The following RIC8A variants were observed in gnomAD, a reference collection of about 807,000 sequenced individuals.
RIC8A encodes the protein RIC8 guanine nucleotide exchange factor A, also known as chaperone Ric-8A.
In RIC8A, 37 loss-of-function variants were observed where a neutral mutation model predicts 48.4. That is an observed-to-expected ratio of 0.77 (90% CI 0.59 to 1.01). RIC8A has a LOEUF of 1.01. RIC8A is among the 50% of genes least tolerant of loss of function. The probability of loss-of-function intolerance (pLI) is 0.00; values close to 1 mark genes in which losing one functional copy is unlikely to be tolerated. For missense variants in RIC8A, 681 were observed against 696.8 expected (o/e 0.98, Z 0.25); for synonymous variants, 288 against 283.4 (o/e 1.02, Z -0.16).
chr11:210,774 G>A, intron 4 of RIC8A, 112 bp downstream of exon 4: 1 of 939,550 alleles, frequency 1.1e-6, no homozygotes, highest in Non-Finnish European at 1.7e-6. Flanking sequence ...ACCCTAGAGA[G>A]TCTGACGTTG....
chr11:212,935 G>C lies in RIC8A; in HGVS notation c.1309G>C (p.Glu437Gln), dbSNP rs1855400874. The C allele has an allele frequency of 2.5e-6, 4 of 1,594,102 alleles. No individual in the cohort carries two copies. The highest frequency in any genetic ancestry group is 1.3e-5 in the African/African-American group (1 of 74,398). Reference sequence around the variant, plus strand: ...AGGCCGGCCCGAGGGCCAGTACTCAGAGGATGAGGACACAGACACAGATGA... The same window carrying C: ...AGGCCGGCCCGAGGGCCAGTACTCACAGGATGAGGACACAGACACAGATGA... ...AGGRPEGQYS[E>Q]DEDTDTDEYK... Residue 437 changes from glutamate to glutamine, a missense_variant, in exon 8 of 10, where the codon GAG (glutamate) becomes CAG (glutamine). Glu to Gln is a conservative substitution (Grantham distance 29). Coordinates refer to ENST00000526104, the MANE Select transcript of RIC8A (RefSeq NM_001286134.2).
At chr11:212,377 G>C (rs1002136498) in intron 5 of RIC8A, 39 bp from the exon 6 acceptor site, 2 of 1,584,350 alleles carry the variant, frequency 1.3e-6, no homozygotes, top group African/African-American at 1.3e-5. Flanking sequence ...TCACAAGTTA[G>C]GCAGGGGCAT....
Position 209,729 on chromosome 11 carries a change from G to A in RIC8A, c.455G>A (p.Arg152His). The stretch of plus-strand genomic sequence containing the variant: ...CTCACAGAGCGTGTGGGGCTGTACC[G>A]TGAGAGGAGCTTCCCCCACGATGTC... ...VKLTERVGLY[R>H]ERSFPHDVQF... The change falls in exon 3 of 10, where the codon CGT becomes CAT. Residue 152 changes from arginine (R) to histidine (H), a missense_variant. Transcript: ENST00000526104. 6.2e-7 allele frequency: 1 copy of A among 1,614,024 alleles called. No homozygotes were observed. The highest frequency in any genetic ancestry group is 8.5e-7 in the Non-Finnish European group (1 of 1,180,014).
At position 214,663 on chromosome 11, in the gene RIC8A, G is replaced by A. The variant is rs865968506; in HGVS notation, c.*313G>A. Reference sequence around the variant, plus strand: ...CTGCCTGAGGGCAGGGCCTACCTGGGCACACAGAAGAGCATATGGGAGGGC... The same window carrying A: ...CTGCCTGAGGGCAGGGCCTACCTGGACACACAGAAGAGCATATGGGAGGGC... On this transcript the variant is annotated 3_prime_UTR_variant, in exon 10 of 10. Transcript: ENST00000526104. 2.8e-5 allele frequency: 12 copies of A among 421,152 alleles called. No individual in the cohort carries two copies. The Middle Eastern group carries it at 3.6e-3, about 128-fold the overall frequency. 26.1% of individuals were successfully genotyped at this position (421,152 alleles called of 1,614,324 possible).
At position 208,872 on chromosome 11, in the gene RIC8A, T is replaced by G. The variant is rs749034397; in HGVS notation, c.18T>G (p.Val6=). MEPRA[V]AEAVETGEED... is the part of the protein sequence containing the mutation. Reference sequence around the variant, plus strand: ...GGCGCGCCATGGAGCCCCGGGCGGTTGCAGAAGCCGTGGAGACGGGTGAGG... The same window carrying G: ...GGCGCGCCATGGAGCCCCGGGCGGTGGCAGAAGCCGTGGAGACGGGTGAGG... The change falls in exon 1 of 10, where the codon GTT becomes GTG. Residue 6 remains valine, a synonymous_variant. Transcript: ENST00000526104. This position sits in a 1 kb window ranked among gnomAD's most constrained non-coding sequence, Gnocchi z 4.8. 2 of 1,610,184 alleles carry G rather than the reference T, an allele frequency of 1.2e-6. No individual in the cohort carries two copies. Among genetic ancestry groups the G allele is most frequent in the South Asian group, 2.2e-5 (2 of 90,732 alleles).
chr11:213,102 A>C, intron 8 of RIC8A, 121 bp downstream of exon 8: 1 of 1,395,792 alleles, frequency 7.2e-7, no homozygotes, highest in Non-Finnish European at 9.6e-7. Context: ...TTCCAGAATC[A>C]AGCACCTGTT....
intron 9 of RIC8A, 59 bp from the exon 10 acceptor site, chr11:214,171 G>A: frequency 6.3e-7 from 1 of 1,578,462 alleles, no homozygotes; most frequent in South Asian, 1.2e-5. Context: ...CGGGTGAGTA[G>A]GACCCCTGCC....
chr11:209,219 G>A, intron 1 of RIC8A, 52 bp from the exon 2 acceptor site: 1 of 1,607,948 alleles, frequency 6.2e-7, no homozygotes, highest in Non-Finnish European at 8.5e-7. Context: ...CCGCATCAGC[G>A]GACGCGGATC....
rs750723363 is a variant in RIC8A at position 212,380 on chromosome 11, A to C, written c.970-36A>C. The C allele has an allele frequency of 2.5e-6, 4 of 1,587,030 alleles. No homozygotes were observed. The East Asian group carries it at 9.0e-5, about 36-fold the overall frequency. On this transcript the variant is annotated intron_variant, in intron 5 of 9. Coordinates refer to ENST00000526104, the MANE Select transcript of RIC8A (RefSeq NM_001286134.2). ...ACTCTGTGCCAGTCACAAGTTAGGCAGGGGCATAGCCCCAGTGACAGAGAA... is the reference window on the plus strand; with the variant it reads ...ACTCTGTGCCAGTCACAAGTTAGGCCGGGGCATAGCCCCAGTGACAGAGAA...
chr11:212,084 G>T (rs372243259), intron 5 of RIC8A: 31 of 319,420 alleles, frequency 9.7e-5, no homozygotes, highest in African/African-American at 5.5e-4. Flanking sequence ...ATGTGTGTGC[G>T]AGTCTAAAGC....
chr11:209,698 G>A lies in RIC8A; in HGVS notation c.424G>A (p.Val142Met). Residue 142 changes from valine (V) to methionine (M), a missense_variant, in exon 3 of 10, where the codon GTG (valine) becomes ATG (methionine). By Grantham distance (21) the Val-to-Met change is conservative. Transcript: ENST00000526104. ...QMLAAEARLV[V>M]KLTERVGLYR... ...GCTGGCAGCAGAGGCCCGCCTAGTG[G>A]TGAAGCTCACAGAGCGTGTGGGGCT... The A allele has an allele frequency of 1.2e-6, 2 of 1,614,000 alleles. No homozygotes were observed. The highest frequency in any genetic ancestry group is 1.7e-6 in the Non-Finnish European group (2 of 1,180,016).
chr11:211,840 C>T lies in RIC8A; in HGVS notation c.969+491C>T, dbSNP rs1308664532. 1 of 162,382 alleles carries T rather than the reference C, an allele frequency of 6.2e-6. No individual in the cohort carries two copies. The highest frequency in any genetic ancestry group is 5.8e-5 in the Admixed American group (1 of 17,102). 10.1% of individuals were successfully genotyped at this position (162,382 alleles called of 1,614,324 possible). On this transcript the variant is annotated intron_variant, in intron 5 of 9. Coordinates refer to ENST00000526104, the MANE Select transcript of RIC8A (RefSeq NM_001286134.2). This position sits in a 1 kb window ranked among gnomAD's most constrained non-coding sequence, Gnocchi z 4.0. ...AATAAACCGAGATTTAGTAGACCTC[C>T]TGGGAATCTACCTGCCTAAGCAAGG...
At position 213,031 on chromosome 11, in the gene RIC8A, C is replaced by A. The variant is rs200428378; in HGVS notation, c.1355+50C>A. The A allele has an allele frequency of 2.4e-4, 362 of 1,518,128 alleles. No individual in the cohort carries two copies. In the African/African-American group the frequency reaches 4.4e-3, roughly 19 times the overall value. The allele number at this position is 1,518,128 out of a possible 1,614,324, so 94.0% of individuals were successfully genotyped here. A position where few individuals can be genotyped will look rare whatever the true frequency, so the allele number is the denominator to read the frequency against. ...GGTCTCCACTCACAGCCCCATAGTC[C>A]CTGCTTCCACACCCATGTGGACCCC... On this transcript the variant is annotated intron_variant, in intron 8 of 9. Transcript: ENST00000526104.
chr11:212,541 G>A, intron 6 of RIC8A, 30 bp downstream of exon 6: 1 of 1,612,884 alleles, frequency 6.2e-7, no homozygotes, highest in Non-Finnish European at 8.5e-7. Flanking sequence ...GTGCTCCTGG[G>A]GGATGTGGTT....
chr11:214,195 CCCTTCCCCAG>C (rs1399136554), intron 9 of RIC8A, 25 bp from the exon 10 acceptor site: 1 of 1,605,398 alleles, frequency 6.2e-7, no homozygotes, highest in Non-Finnish European at 8.5e-7. Context: ...CCAACTGGGC[CCCTTCCCCAG>C]CCCCACTGCA....
chr11:211,581 A>T lies in RIC8A; in HGVS notation c.969+232A>T. On this transcript the variant is annotated intron_variant, in intron 5 of 9. Coordinates refer to ENST00000526104, the MANE Select transcript of RIC8A (RefSeq NM_001286134.2). The surrounding 1 kb of genome is among the most constrained non-coding windows in gnomAD (Gnocchi z 4.0). ...ACACACTTGAAGGTTTCACTTCTTAAATCTTTGGGGATCTTTACTGAGTGG... is the reference window on the plus strand; with the variant it reads ...ACACACTTGAAGGTTTCACTTCTTATATCTTTGGGGATCTTTACTGAGTGG... 1 of 471,256 alleles carries T rather than the reference A, an allele frequency of 2.1e-6. No homozygotes were observed. The highest frequency in any genetic ancestry group is 2.0e-5 in the African/African-American group (1 of 51,152). 29.2% of individuals were successfully genotyped at this position (471,256 alleles called of 1,614,324 possible). A position where few individuals can be genotyped will look rare whatever the true frequency, so the allele number is the denominator to read the frequency against.
intron 3 of RIC8A, 169 bp from the exon 4 acceptor site, chr11:210,402 C>T (rs1408895224): frequency 1.3e-6 from 1 of 744,460 alleles, no homozygotes; most frequent in African/African-American, 1.7e-5. Flanking sequence ...ATCTTTTGCC[C>T]CCAGCACTAC....
intron 3 of RIC8A, 60 bp downstream of exon 3, chr11:210,060 T>C: frequency 1.4e-6 from 2 of 1,385,870 alleles, no homozygotes; most frequent in South Asian, 2.7e-5. Context: ...TTCCTGGACC[T>C]GCTTCCTACT....
In RIC8A at chr11:211,686, A is replaced by G. The variant is rs1479923031; in HGVS notation, c.969+337A>G. ...ATTACAAGCATAGTTGTCCCTCAGC[A>G]TCCTGAGGAGACCCATAGGAACCTC... On this transcript the variant is annotated intron_variant, in intron 5 of 9. Coordinates refer to ENST00000526104, the MANE Select transcript of RIC8A (RefSeq NM_001286134.2). The surrounding 1 kb of genome is among the most constrained non-coding windows in gnomAD (Gnocchi z 4.0). The G allele has an allele frequency of 9.8e-6, 2 of 203,282 alleles. No individual in the cohort carries two copies. The highest frequency in any genetic ancestry group is 2.0e-5 in the Non-Finnish European group (2 of 99,914). 12.6% of individuals were successfully genotyped at this position (203,282 alleles called of 1,614,324 possible).
Sources: gnomAD v4.1 joint callset for allele counts on GRCh38, gnomAD v4.1.1 for gene constraint, Gnocchi (gnomAD v3.1) non-coding constraint, MANE v1.5 for transcripts, NCBI Gene and HGNC (gene_info 2026-07-23, HGNC 2026-07-21) for gene names.